Variants in PRKD3 observed in about 807,000 individuals in gnomAD.
PRKD3 encodes the protein serine/threonine-protein kinase D3.
Under a neutral mutation model 99.2 loss-of-function variants are expected in PRKD3, and 47 were observed. The ratio of observed to expected loss-of-function variants is 0.47; its 90% confidence interval spans 0.38 to 0.60. The LOEUF (loss-of-function observed/expected upper bound fraction) is 0.60. Ranked by LOEUF, PRKD3 falls within the 20% of genes least tolerant of loss-of-function variation. The probability of loss-of-function intolerance (pLI) is 0.00; values close to 1 mark genes in which losing one functional copy is unlikely to be tolerated. For synonymous variants in PRKD3, 392 were observed against 355.4 expected, an observed-to-expected ratio of 1.10 and a Z score of -1.16; for missense variants, 1,019 against 1,088.4, an observed-to-expected ratio of 0.94 and a Z score of 0.90.
intron 2 of PRKD3, among the ~76,000 whole-genome samples, chr2:37,311,139 A>G (rs1043273812): frequency 6.6e-6 from 1 of 152,196 alleles, no homozygotes; most frequent in African/African-American, 2.4e-5. Context: ...ATCTTGCTTT[A>G]TCCATGCTAC....
intron 7 of PRKD3, among the ~76,000 whole-genome samples, chr2:37,282,088 G>A (rs563764392): frequency 8.5e-5 from 13 of 152,064 alleles, no homozygotes; most frequent in Non-Finnish European, 1.5e-4. Flanking sequence ...ATATTTCTGG[G>A]GCAAGTTATT....
chr2:37,324,816 G>C lies in PRKD3; in HGVS notation c.-791C>G, dbSNP rs1304594552. Reference sequence around the variant, plus strand: ...CCCTTCCTCCCTCCCTCCCCGTCCCGTCCTGGGGCCGGAGGGCGGGGGGCC... The same window carrying C: ...CCCTTCCTCCCTCCCTCCCCGTCCCCTCCTGGGGCCGGAGGGCGGGGGGCC... On this transcript the variant is annotated 5_prime_UTR_variant, in exon 1 of 19. Transcript: ENST00000234179. The C allele has an allele frequency of 6.6e-6, 1 of 150,382 alleles. No individual in the cohort carries two copies. Among genetic ancestry groups the C allele is most frequent in the Non-Finnish European group, 1.5e-5 (1 of 67,358 alleles). The allele number at this position is 150,382 out of a possible 1,614,324, so 9.3% of individuals were successfully genotyped here. A position where few individuals can be genotyped will look rare whatever the true frequency, so the allele number is the denominator to read the frequency against.
intron 2 of PRKD3, among the ~76,000 whole-genome samples, chr2:37,308,869 T>C (rs970876240): frequency 6.6e-6 from 1 of 152,138 alleles, no homozygotes; most frequent in Non-Finnish European, 1.5e-5. Context: ...TCATGACTCC[T>C]TTGGCATACC....
At chr2:37,270,426 T>C (rs1669167419) in intron 12 of PRKD3, among the ~76,000 whole-genome samples, 1 of 151,378 alleles carries the variant, frequency 6.6e-6, no homozygotes, top group Admixed American at 6.6e-5. Flanking sequence ...GAAAAGAATA[T>C]GTATGAGAGA....
At chr2:37,316,089 T>C (rs946735966) in intron 2 of PRKD3, 148 bp downstream of exon 2, 1 of 802,690 alleles carries the variant, frequency 1.2e-6, no homozygotes, top group Non-Finnish European at 2.0e-6. Context: ...TTTCAGTCTT[T>C]AGCCTCAGAG....
chr2:37,308,824 T>TG (rs1156628439), intron 2 of PRKD3, among the ~76,000 whole-genome samples: 1 of 142,486 alleles, frequency 7.0e-6, no homozygotes, highest in East Asian at 2.9e-4. Context: ...TTTTAAGCTC[T>TG]GTTTTTTTTT....
chr2:37,268,641 CCA>C (rs1475388013), intron 13 of PRKD3: 6 of 236,148 alleles, frequency 2.5e-5, no homozygotes, highest in South Asian at 1.5e-4. Flanking sequence ...CAAGAAATTT[CCA>C]CAGAGAAAGC....
intron 16 of PRKD3, among the ~76,000 whole-genome samples, chr2:37,258,151 AG>A (rs1339384682): frequency 1.3e-5 from 2 of 152,204 alleles, no homozygotes; most frequent in African/African-American, 4.8e-5. Flanking sequence ...ATAAATTGAG[AG>A]GAAAAAGATT....
chr2:37,272,460 A>G lies in PRKD3; in HGVS notation c.1652-28T>C, dbSNP rs375013869. Reference sequence around the variant, plus strand: ...GTAAAATATAAAAAAGACAAAATTTAGTATATGACAATATTATTAATCTTT... The same window carrying G: ...GTAAAATATAAAAAAGACAAAATTTGGTATATGACAATATTATTAATCTTT... On this transcript the variant is annotated intron_variant, in intron 11 of 18. Transcript: ENST00000234179. 9 of 1,584,370 alleles carry G rather than the reference A, an allele frequency of 5.7e-6. No homozygotes were observed. In the South Asian group the frequency reaches 9.3e-5, roughly 16 times the overall value.
chr2:37,261,906 A>C lies in PRKD3; in HGVS notation c.1885-1522T>G, dbSNP rs78161208. 4.2e-3 allele frequency among the ~76,000 whole-genome samples: 639 copies of C among 152,264 alleles called. 17 individuals are homozygous for C. Among genetic ancestry groups the C allele is most frequent in the Admixed American group, 0.031 (473 of 15,294 alleles). On this transcript the variant is annotated intron_variant, in intron 14 of 18. Coordinates refer to ENST00000234179, the MANE Select transcript of PRKD3 (RefSeq NM_005813.6). ...AAAACGTATTTTGAATACCTGCACA[A>C]CCATTCCGTTTTTTTGAGTATTCAT...
At chr2:37,263,891 G>T (rs1668646503) in intron 14 of PRKD3, among the ~76,000 whole-genome samples, 1 of 151,938 alleles carries the variant, frequency 6.6e-6, no homozygotes, top group African/African-American at 2.4e-5. Flanking sequence ...TAGCTTTGGG[G>T]TAGCTTCCAA....
At chr2:37,255,987 G>A (rs1024188584) in intron 17 of PRKD3, among the ~76,000 whole-genome samples, 1 of 152,284 alleles carries the variant, frequency 6.6e-6, no homozygotes. Context: ...TTCAGCCTGG[G>A]TGACAGAGGG....
chr2:37,282,571 T>C lies in PRKD3; in HGVS notation c.959A>G (p.Asp320Gly). 1.2e-6 allele frequency: 2 copies of C among 1,601,402 alleles called. No individual in the cohort carries two copies. The highest frequency in any genetic ancestry group is 1.1e-5 in the South Asian group (1 of 90,722). ...HKRCASKVPR[D>G]CLGEVTFNGE... is the part of the protein sequence containing the mutation. ...ATTGAAAGTAACCTCTCCAAGGCAG[T>C]CTCTTGGTACTTTTGATGCACAGCG... The change falls in exon 7 of 19, where the codon GAC (aspartate) becomes GGC (glycine). Residue 320 changes from aspartate to glycine, a missense_variant. Physicochemically the swap from Asp to Gly is moderately conservative, Grantham distance 94. Transcript: ENST00000234179.
intron 13 of PRKD3, chr2:37,268,946 A>C (rs1367042386): frequency 1.3e-5 from 2 of 153,258 alleles, no homozygotes; most frequent in Non-Finnish European, 2.9e-5. Context: ...ATTGACTCTA[A>C]GAGTTGTATG....
At chr2:37,279,249 G>A (rs1669723190) in intron 8 of PRKD3, 1 of 152,250 alleles carries the variant, frequency 6.6e-6, no homozygotes, top group South Asian at 2.1e-4. Context: ...TGGTTTTACA[G>A]TCTAATAGTA....
intron 13 of PRKD3, chr2:37,268,277 T>G (rs758470930): frequency 2.1e-6 from 1 of 469,374 alleles, no homozygotes. Flanking sequence ...AATGTGTGCA[T>G]TTTTGGTAAG....
chr2:37,260,508 CAAAAT>C (rs1668344358), intron 14 of PRKD3, 124 bp from the exon 15 acceptor site: 4 of 900,436 alleles, frequency 4.4e-6, no homozygotes, highest in South Asian at 1.6e-5. Context: ...ACAAAGCAAA[CAAAAT>C]AAAAATTACA....
At chr2:37,275,945 T>G in intron 9 of PRKD3, 101 bp from the exon 10 acceptor site, 1 of 1,395,654 alleles carries the variant, frequency 7.2e-7, no homozygotes, top group East Asian at 2.7e-5. Context: ...ATTTGTATTT[T>G]TGAATAACTT....
chr2:37,319,627 A>C (rs991094518), intron 1 of PRKD3, among the ~76,000 whole-genome samples: 7 of 152,186 alleles, frequency 4.6e-5, no homozygotes, highest in Admixed American at 3.9e-4. Flanking sequence ...TGACTAAAAG[A>C]GCTAATGCAA....
Sources: gnomAD v4.1 joint callset for allele counts (sites outside exome capture counted in the v4.1 genomes callset) on GRCh38, gnomAD v4.1.1 for gene constraint, MANE v1.5 for transcripts, NCBI Gene and HGNC (gene_info 2026-07-23, HGNC 2026-07-21) for gene names.